Variants in CASP8 observed in about 807,000 individuals in gnomAD.
CASP8 encodes caspase 8.
Under a neutral mutation model 46.3 loss-of-function variants are expected in CASP8, and 24 were observed. The ratio of observed to expected loss-of-function variants is 0.52; its 90% CI spans 0.38 to 0.73. The LOEUF is 0.73. CASP8 is among the 30% of genes least tolerant of loss of function. The pLI, the probability that CASP8 is intolerant of heterozygous loss-of-function variation, is 0.00. For synonymous variants in CASP8, 188 were observed against 200.4 expected (o/e 0.94, Z 0.52); for missense variants, 460 against 559.0 (o/e 0.82, Z 1.79).
chr2:201,259,172 T>A (rs1193032579), upstream of CASP8, among the ~76,000 whole-genome samples: 1 of 152,166 alleles, frequency 6.6e-6, no homozygotes, highest in Non-Finnish European at 1.5e-5. Context: ...TCTATTTCTT[T>A]TTTATTTATT....
upstream of CASP8, chr2:201,258,218 C>A: frequency 6.2e-7 from 1 of 1,606,560 alleles, no homozygotes; most frequent in Non-Finnish European, 8.5e-7. Context: ...GTCAACTCAA[C>A]AGGAAGTGAG....
At chr2:201,254,021 C>A (rs185393262) in intron 2 of CASP8, among the ~76,000 whole-genome samples, 1 of 149,960 alleles carries the variant, frequency 6.7e-6, no homozygotes, top group African/African-American at 2.4e-5. Flanking sequence ...GCGGAGGTTG[C>A]GGTGAGCCGA....
upstream of CASP8, among the ~76,000 whole-genome samples, chr2:201,260,268 C>T (rs757159284): frequency 3.3e-5 from 5 of 152,170 alleles, no homozygotes; most frequent in Non-Finnish European, 7.4e-5. Context: ...TCCAGTCCAA[C>T]GTCCTTGTTT....
intron 2 of CASP8, among the ~76,000 whole-genome samples, chr2:201,248,049 GGA>G (rs761179053): frequency 9.8e-5 from 15 of 152,308 alleles, no homozygotes; most frequent in Admixed American, 3.3e-4. Context: ...CAAATTGGTA[GGA>G]TTACAGGTGT....
intron 2 of CASP8, among the ~76,000 whole-genome samples, chr2:201,238,756 T>C (rs1003489360): frequency 6.6e-6 from 1 of 150,426 alleles, no homozygotes; most frequent in Non-Finnish European, 1.5e-5. Flanking sequence ...TCCTTACTTT[T>C]TATTTTATTT....
In CASP8 at chr2:201,272,189, ACT is replaced by A. The variant is rs1202280375; in HGVS notation, c.412-446_412-445del. On this transcript the variant is annotated intron_variant, in intron 3 of 8. Coordinates refer to ENST00000673742, the MANE Select transcript of CASP8 (RefSeq NM_001372051.1). The surrounding 1 kb of genome is among the most constrained non-coding windows in gnomAD (Gnocchi z 4.4). The stretch of plus-strand genomic sequence containing the variant: ...CCCCTGTGTGTGTATCACTGAGTAT[ACT>A]CTGTGTGTGTTGTATCTGTGTGTGT... Among the ~76,000 whole-genome samples, 1 of 144,766 alleles carries A rather than the reference ACT, an allele frequency of 6.9e-6. No individual in the cohort carries two copies. Among genetic ancestry groups the A allele is most frequent in the Non-Finnish European group, 1.5e-5 (1 of 66,022 alleles). 95.0% of individuals were successfully genotyped at this position (144,766 alleles called of 152,430 possible). A position where few individuals can be genotyped will look rare whatever the true frequency, so the allele number is the denominator to read the frequency against.
intron 6 of CASP8, 108 bp from the exon 7 acceptor site, chr2:201,276,719 T>A (rs1041089733): frequency 3.4e-5 from 48 of 1,407,450 alleles, no homozygotes; most frequent in Non-Finnish European, 4.6e-5. Context: ...CGACCCCGAG[T>A]TGGGGTGGTG....
At chr2:201,247,485 T>C (rs1946582595) in intron 2 of CASP8, among the ~76,000 whole-genome samples, 1 of 35,064 alleles carries the variant, frequency 2.9e-5, no homozygotes, top group South Asian at 4.9e-4. Flanking sequence ...CACAACCTAT[T>C]TTTTTTTTTT....
Position 201,287,648 on chromosome 2 carries a change from T to C in CASP8, c.*1054T>C, listed in dbSNP as rs776988094. 6 of 153,482 alleles carry C rather than the reference T, an allele frequency of 3.9e-5. No individual in the cohort carries two copies. The highest frequency in any genetic ancestry group is 1.3e-4 in the Admixed American group (2 of 15,274). The allele number at this position is 153,482 out of a possible 1,614,324, so 9.5% of individuals were successfully genotyped here. A position where few individuals can be genotyped will look rare whatever the true frequency, so the allele number is the denominator to read the frequency against. ...AAATCATTAGGAATTAAGTTATCTT[T>C]AAAATTTAAGTATCTTTTTTCAAAA... On this transcript the variant is annotated 3_prime_UTR_variant, in exon 9 of 9. Transcript: ENST00000673742.
At chr2:201,253,029 G>C (rs1178513459) in intron 2 of CASP8, among the ~76,000 whole-genome samples, 1 of 151,978 alleles carries the variant, frequency 6.6e-6, no homozygotes, top group African/African-American at 2.4e-5. Flanking sequence ...CCGTCCCCCA[G>C]GCTGGAGTGC....
chr2:201,270,119 C>T (rs1174975816), intron 2 of CASP8, among the ~76,000 whole-genome samples: 2 of 152,172 alleles, frequency 1.3e-5, no homozygotes, highest in Non-Finnish European at 2.9e-5. Flanking sequence ...TTTTCCTTTA[C>T]ACCATAGTAT....
chr2:201,265,972 GT>G (rs1947789011), intron 1 of CASP8, among the ~76,000 whole-genome samples: 1 of 113,604 alleles, frequency 8.8e-6, no homozygotes, highest in Non-Finnish European at 1.8e-5. Flanking sequence ...TGTTTTTTTT[GT>G]TTTTTGTGTT....
In CASP8 at chr2:201,245,864, C is replaced by CTTTTTT. The variant is rs60096366; in HGVS notation, c.-27+11767_-27+11772dup. Among the ~76,000 whole-genome samples, 610 of 124,366 alleles carry CTTTTTT rather than the reference C, an allele frequency of 4.9e-3. 28 individuals are homozygous for CTTTTTT. Among genetic ancestry groups the CTTTTTT allele is most frequent in the African/African-American group, 0.018 (553 of 30,438 alleles). 81.6% of individuals were successfully genotyped at this position (124,366 alleles called of 152,430 possible). A position where few individuals can be genotyped will look rare whatever the true frequency, so the allele number is the denominator to read the frequency against. On this transcript the variant is annotated intron_variant, in intron 2 of 6. Coordinates refer to the CASP8 transcript ENST00000264274. ...TTTCTGTTGCTTTTCCTTGTTTGTT[C>CTTTTTT]TTTTTTTTTTTTTTTTTTTTGAGAC...
Position 201,286,678 on chromosome 2 carries a change from T to A in CASP8, c.*84T>A. 5.9e-6 allele frequency: 7 copies of A among 1,192,794 alleles called. No individual in the cohort carries two copies. Among genetic ancestry groups the A allele is most frequent in the Non-Finnish European group, 7.2e-6 (6 of 829,996 alleles). The allele number at this position is 1,192,794 out of a possible 1,614,324, so 73.9% of individuals were successfully genotyped here. A position where few individuals can be genotyped will look rare whatever the true frequency, so the allele number is the denominator to read the frequency against. On this transcript the variant is annotated 3_prime_UTR_variant, in exon 9 of 9. Coordinates refer to ENST00000673742, the MANE Select transcript of CASP8 (RefSeq NM_001372051.1). ...TCGCCCAGGCTGGAGTGCAGTGGCG[T>A]GATCTCGGCTCACCGCAAGCTCCGC...
At chr2:201,247,991 G>T (rs1024630324) in intron 2 of CASP8, among the ~76,000 whole-genome samples, 19 of 151,766 alleles carry the variant, frequency 1.3e-4, no homozygotes, top group Non-Finnish European at 4.4e-5. Flanking sequence ...TGTTTGTCAG[G>T]CTGGTCTTGG....
At chr2:201,280,260 G>A (rs562944195) in intron 7 of CASP8, among the ~76,000 whole-genome samples, 42 of 152,176 alleles carry the variant, frequency 2.8e-4, no homozygotes, top group Non-Finnish European at 5.9e-4. Context: ...GAAAATAGGA[G>A]TGAAAGATAA....
chr2:201,282,778 G>C lies in CASP8; in HGVS notation c.803-2038G>C, dbSNP rs1304480716. The stretch of plus-strand genomic sequence containing the variant: ...CCAGTAGGGGCGGCCCGGCAGAGGC[G>C]CCCCTCACCTCCCGGACGGGGCAGC... On this transcript the variant is annotated intron_variant, in intron 7 of 8. Transcript: ENST00000673742. Among the ~76,000 whole-genome samples, 5 of 84,974 alleles carry C rather than the reference G, an allele frequency of 5.9e-5. No homozygotes were observed. The East Asian group carries it at 1.9e-3, about 32-fold the overall frequency. 55.7% of individuals were successfully genotyped at this position (84,974 alleles called of 152,430 possible). A position where few individuals can be genotyped will look rare whatever the true frequency, so the allele number is the denominator to read the frequency against.
intron 7 of CASP8, chr2:201,281,799 A>G: frequency 7.4e-7 from 1 of 1,353,100 alleles, no homozygotes; most frequent in African/African-American, 1.5e-5. Context: ...AAACAGACCA[A>G]CAATAACACT....
chr2:201,274,939 G>A lies in CASP8; in HGVS notation c.646G>A (p.Asp216Asn), dbSNP rs1948528494. ...AATCTCGGACTCTCCAAGAGAACAG[G>A]ATAGTGAATCACAGGTAGACGGAAA... ...MTISDSPREQ[D>N]SESQTLDKVY... Residue 216 changes from aspartate (D) to asparagine (N), a missense_variant, in exon 6 of 9, where the codon GAT becomes AAT. By Grantham distance (23) the Asp-to-Asn change is conservative. Transcript: ENST00000673742. 1 of 1,611,928 alleles carries A rather than the reference G, an allele frequency of 6.2e-7. No individual in the cohort carries two copies. The highest frequency in any genetic ancestry group is 1.1e-5 in the South Asian group (1 of 91,028).
Sources: allele counts gnomAD v4.1 joint callset (sites outside exome capture counted in the v4.1 genomes callset), GRCh38; gene constraint gnomAD v4.1.1; non-coding constraint Gnocchi (gnomAD v3.1); transcripts MANE v1.5; gene names NCBI Gene and HGNC (gene_info 2026-07-23, HGNC 2026-07-21).